WWOX: variants seen among roughly 807,000 people sequenced by gnomAD.
WWOX encodes WW domain-containing oxidoreductase.
A neutral mutation model predicts 46.2 loss-of-function variants in WWOX; 69 were observed. That is an observed-to-expected ratio of 1.49 (90% CI 1.23 to 1.82). WWOX has a LOEUF of 1.82. WWOX is among the 40% of genes most tolerant of loss of function. The pLI, the probability that WWOX is intolerant of heterozygous loss-of-function variation, is 0.00. For missense variants in WWOX, 919 were observed against 542.6 expected (o/e 1.69, Z -6.89); for synonymous variants, 359 against 202.6 (o/e 1.77, Z -6.56).
At chr16:78,445,364 A>C (rs1304639019) in intron 8 of WWOX, among the ~76,000 whole-genome samples, 1 of 152,202 alleles carries the variant, frequency 6.6e-6, no homozygotes, top group Admixed American at 6.5e-5. Flanking sequence ...GTTGATGTGC[A>C]TGCATTCATT....
At chr16:78,409,751 G>C (rs1306364744) in intron 6 of WWOX, among the ~76,000 whole-genome samples, 2 of 152,146 alleles carry the variant, frequency 1.3e-5, no homozygotes, top group African/African-American at 2.4e-5. Flanking sequence ...ACTCCAGGGA[G>C]AATATTTTTC....
chr16:78,762,269 A>C (rs2049813185), intron 8 of WWOX, among the ~76,000 whole-genome samples: 1 of 152,132 alleles, frequency 6.6e-6, no homozygotes, highest in Non-Finnish European at 1.5e-5. Context: ...CCCTCTTGGT[A>C]CTCAAAGCTT....
chr16:78,770,549 C>T (rs1040535656), intron 8 of WWOX, among the ~76,000 whole-genome samples: 1 of 152,100 alleles, frequency 6.6e-6, no homozygotes. Flanking sequence ...GTGGGACTCA[C>T]TGGGAAACCG....
intron 8 of WWOX, among the ~76,000 whole-genome samples, chr16:78,679,909 G>C (rs574638702): frequency 2.6e-5 from 4 of 152,258 alleles, no homozygotes; most frequent in African/African-American, 9.6e-5. Context: ...CAGACACTCC[G>C]TAACCAATGG....
intron 8 of WWOX, among the ~76,000 whole-genome samples, chr16:79,045,774 CTTTTCCTTTTTTTTT>C (rs2048053007): frequency 4.8e-5 from 2 of 41,320 alleles, no homozygotes; most frequent in Non-Finnish European, 7.3e-5. Context: ...TTCCTTTTTT[CTTTTCCTTTTTTTTT>C]TTTTTTTTTT....
intron 8 of WWOX, among the ~76,000 whole-genome samples, chr16:78,748,809 C>T (rs1304571585): frequency 6.6e-6 from 1 of 152,244 alleles, no homozygotes; most frequent in East Asian, 1.9e-4. Flanking sequence ...ACACGGCAAA[C>T]ACAGATGCTG....
intron 8 of WWOX, among the ~76,000 whole-genome samples, chr16:79,209,896 A>G (rs1206591753): frequency 1.3e-5 from 2 of 152,220 alleles, no homozygotes; most frequent in African/African-American, 2.4e-5. Context: ...GATGACATGA[A>G]CTCATTTCCA....
chr16:79,146,681 C>T (rs980006377), intron 8 of WWOX, among the ~76,000 whole-genome samples: 3 of 152,134 alleles, frequency 2.0e-5, no homozygotes, highest in Non-Finnish European at 2.9e-5. Flanking sequence ...CAAGTGCTTA[C>T]TAAGCATCTG....
intron 8 of WWOX, among the ~76,000 whole-genome samples, chr16:78,741,730 C>G (rs1469840313): frequency 1.3e-5 from 2 of 152,024 alleles, no homozygotes; most frequent in Non-Finnish European, 2.9e-5. Flanking sequence ...GGCGGGTGCT[C>G]TGTAGTCTCA....
At chr16:79,120,768 TTTG>T (rs576478867) in intron 8 of WWOX, among the ~76,000 whole-genome samples, 181 of 152,248 alleles carry the variant, frequency 1.2e-3, no homozygotes, top group African/African-American at 4.0e-3. Flanking sequence ...GCGTTTATTT[TTTG>T]TTGTTGTTTG....
At chr16:78,361,268 G>C (rs559842075) in intron 5 of WWOX, among the ~76,000 whole-genome samples, 17 of 152,272 alleles carry the variant, frequency 1.1e-4, no homozygotes, top group Admixed American at 8.5e-4. Context: ...GTCTTTCTTA[G>C]TATATTATCT....
intron 5 of WWOX, among the ~76,000 whole-genome samples, chr16:78,300,778 A>G (rs908582347): frequency 6.6e-6 from 1 of 151,894 alleles, no homozygotes; most frequent in Non-Finnish European, 1.5e-5. Context: ...TTAAAAGTTG[A>G]CTCTGTTTGG....
chr16:78,626,244 C>T (rs142312898), intron 8 of WWOX, among the ~76,000 whole-genome samples: 1 of 152,158 alleles, frequency 6.6e-6, no homozygotes, highest in African/African-American at 2.4e-5. Context: ...GATTCTCCTG[C>T]CTCAGCCTCC....
At chr16:78,418,225 G>A (rs780616974) in intron 6 of WWOX, among the ~76,000 whole-genome samples, 9 of 152,054 alleles carry the variant, frequency 5.9e-5, no homozygotes, top group Non-Finnish European at 4.4e-5. Flanking sequence ...TTAGTGGGGC[G>A]TGGTGGCGGG....
chr16:79,192,551 G>A (rs1397090411), intron 8 of WWOX, among the ~76,000 whole-genome samples: 1 of 152,146 alleles, frequency 6.6e-6, no homozygotes, highest in Non-Finnish European at 1.5e-5. Context: ...GGTCTCTATT[G>A]GTCAAGGAAA....
intron 8 of WWOX, among the ~76,000 whole-genome samples, chr16:78,488,492 T>C (rs140338473): frequency 2.0e-5 from 3 of 152,278 alleles, no homozygotes; most frequent in East Asian, 3.9e-4. Context: ...GATAAGACTT[T>C]CTGATTTTTC....
intron 8 of WWOX, among the ~76,000 whole-genome samples, chr16:78,786,309 A>G (rs916115023): frequency 3.3e-5 from 5 of 152,326 alleles, no homozygotes; most frequent in Middle Eastern, 3.4e-3. Context: ...CATGGTGTAA[A>G]TAGTGGTACC....
chr16:78,768,239 A>T (rs975608258), intron 8 of WWOX, among the ~76,000 whole-genome samples: 1 of 146,270 alleles, frequency 6.8e-6, no homozygotes, highest in African/African-American at 2.5e-5. Flanking sequence ...AAAAAGTTGG[A>T]GAGTGAAATC....
chr16:78,881,428 A>C (rs1214003312), intron 8 of WWOX, among the ~76,000 whole-genome samples: 1 of 152,234 alleles, frequency 6.6e-6, no homozygotes, highest in Non-Finnish European at 1.5e-5. Flanking sequence ...GTTTTCTCCA[A>C]AATATATTTT....
Sources: gnomAD v4.1 joint callset for allele counts (sites outside exome capture counted in the v4.1 genomes callset) on GRCh38, gnomAD v4.1.1 for gene constraint, MANE v1.5 for transcripts, NCBI Gene and HGNC (gene_info 2026-07-23, HGNC 2026-07-21) for gene names.